Variants in CACNA1D observed in about 807,000 individuals in gnomAD.
The protein encoded by CACNA1D is voltage-dependent L-type calcium channel subunit alpha-1D.
Under a neutral mutation model 257.1 loss-of-function variants are expected in CACNA1D, and 55 were observed. That is an observed-to-expected ratio of 0.21 (90% CI 0.17 to 0.27). The LOEUF is 0.27. Among genes scored for constraint, CACNA1D ranks in the 10% least tolerant of loss-of-function variants. The probability of loss-of-function intolerance (pLI) is 1.00; values close to 1 mark genes in which losing one functional copy is unlikely to be tolerated. For synonymous variants in CACNA1D, 980 were observed against 1,014.9 expected (o/e 0.97, Z 0.65); for missense variants, 1,876 against 2,784.0 (o/e 0.67, Z 7.34).
At chr3:53,810,709 G>A (rs1020646840) in intron 47 of CACNA1D, among the ~76,000 whole-genome samples, 6 of 123,106 alleles carry the variant, frequency 4.9e-5, no homozygotes, top group South Asian at 5.3e-4. Flanking sequence ...AGTGAGCCGA[G>A]ATCACACCAC....
chr3:53,501,762 A>T (rs1451843062), intron 3 of CACNA1D, 42 bp downstream of exon 3: 2 of 1,113,582 alleles, frequency 1.8e-6, no homozygotes, highest in Non-Finnish European at 1.4e-6. Context: ...GTATATGGTT[A>T]TCATTTGCTT....
intron 3 of CACNA1D, among the ~76,000 whole-genome samples, chr3:53,549,256 GT>G (rs1230702012): frequency 6.6e-6 from 1 of 152,144 alleles, no homozygotes; most frequent in Non-Finnish European, 1.5e-5. Context: ...GTTCTTTTAT[GT>G]GGTCTAATTG....
intron 8 of CACNA1D, among the ~76,000 whole-genome samples, chr3:53,698,973 C>G (rs2094597060): frequency 6.6e-6 from 1 of 152,120 alleles, no homozygotes; most frequent in South Asian, 2.1e-4. Context: ...ATTAAATAAG[C>G]TTTGTAAAAC....
intron 30 of CACNA1D, among the ~76,000 whole-genome samples, chr3:53,763,339 T>G (rs1443381872): frequency 6.6e-6 from 1 of 152,204 alleles, no homozygotes; most frequent in African/African-American, 2.4e-5. Flanking sequence ...CTAGAAGCAC[T>G]CTGAGCACCT....
intron 3 of CACNA1D, among the ~76,000 whole-genome samples, chr3:53,625,300 TACC>T (rs2093744436): frequency 6.6e-6 from 1 of 152,204 alleles, no homozygotes; most frequent in African/African-American, 2.4e-5. Context: ...CTGTCCCCAC[TACC>T]TTTGGAAGAG....
chr3:53,592,321 G>C (rs2093316892), intron 3 of CACNA1D, among the ~76,000 whole-genome samples: 1 of 152,184 alleles, frequency 6.6e-6, no homozygotes, highest in African/African-American at 2.4e-5. Flanking sequence ...GAGGGGATGG[G>C]CACCCAGCCT....
At chr3:53,581,065 T>C (rs898097965) in intron 3 of CACNA1D, among the ~76,000 whole-genome samples, 4 of 152,328 alleles carry the variant, frequency 2.6e-5, no homozygotes, top group African/African-American at 9.6e-5. Flanking sequence ...GTCAGAATCT[T>C]GCTGTCTAAA....
intron 3 of CACNA1D, among the ~76,000 whole-genome samples, chr3:53,629,808 G>C (rs3774491): frequency 0.59 from 89,458 of 152,070 alleles, 27,869 homozygotes; most frequent in African/African-American, 0.79. Flanking sequence ...AATGGTAGCA[G>C]TTGGTACTAA....
intron 3 of CACNA1D, among the ~76,000 whole-genome samples, chr3:53,578,393 T>A (rs1467224080): frequency 1.3e-5 from 2 of 152,054 alleles, no homozygotes; most frequent in Non-Finnish European, 1.5e-5. Context: ...ACAGCTTCAT[T>A]CTTGATGCTC....
At chr3:53,583,692 G>A (rs909903820) in intron 3 of CACNA1D, among the ~76,000 whole-genome samples, 1 of 152,200 alleles carries the variant, frequency 6.6e-6, no homozygotes, top group Non-Finnish European at 1.5e-5. Flanking sequence ...CCAGATGGAC[G>A]TGAGGTGCCC....
At chr3:53,521,853 C>G (rs1277908444) in intron 3 of CACNA1D, among the ~76,000 whole-genome samples, 1 of 151,448 alleles carries the variant, frequency 6.6e-6, no homozygotes, top group Non-Finnish European at 1.5e-5. Flanking sequence ...TTTGGCTAAG[C>G]ATTGTGACTT....
intron 21 of CACNA1D, among the ~76,000 whole-genome samples, chr3:53,742,639 G>A (rs1156564738): frequency 6.6e-6 from 1 of 152,206 alleles, no homozygotes; most frequent in East Asian, 1.9e-4. Flanking sequence ...CCTCAGAGGG[G>A]CCAGAACCAG....
chr3:53,711,397 G>A (rs2094753706), intron 9 of CACNA1D, among the ~76,000 whole-genome samples: 2 of 152,208 alleles, frequency 1.3e-5, no homozygotes, highest in African/African-American at 4.8e-5. Flanking sequence ...CAGAATCCCT[G>A]GAGTAGCTGT....
chr3:53,545,713 T>C (rs980141841), intron 3 of CACNA1D, among the ~76,000 whole-genome samples: 12 of 152,202 alleles, frequency 7.9e-5, no homozygotes, highest in Non-Finnish European at 1.5e-4. Context: ...TTCGATTTGT[T>C]TGATGCAATT....
At chr3:53,629,801 G>A (rs2093802128) in intron 3 of CACNA1D, among the ~76,000 whole-genome samples, 1 of 152,166 alleles carries the variant, frequency 6.6e-6, no homozygotes, top group African/African-American at 2.4e-5. Flanking sequence ...ATGTATAAAT[G>A]GTAGCAGTTG....
At chr3:53,509,573 G>A (rs1021929488) in intron 3 of CACNA1D, among the ~76,000 whole-genome samples, 8 of 152,164 alleles carry the variant, frequency 5.3e-5, no homozygotes, top group Non-Finnish European at 2.9e-5. Flanking sequence ...GAGTGAACGC[G>A]AGGTGAGGCT....
intron 3 of CACNA1D, among the ~76,000 whole-genome samples, chr3:53,586,171 T>A (rs1457698974): frequency 6.6e-6 from 1 of 152,000 alleles, no homozygotes; most frequent in East Asian, 1.9e-4. Context: ...TGTTGAGATA[T>A]GAGAGAAGGG....
At chr3:53,544,567 A>G in intron 3 of CACNA1D, among the ~76,000 whole-genome samples, 1 of 152,202 alleles carries the variant, frequency 6.6e-6, no homozygotes, top group East Asian at 1.9e-4. Flanking sequence ...TTCCCCATTG[A>G]GTCATCAATC....
At position 53,740,598 on chromosome 3, in the gene CACNA1D, G is replaced by GT. The variant is rs57900500; in HGVS notation, c.2811+271dup. ...TTTTTGTCTTTCGTGGTTGAGCTAA[G>GT]TTTTTTTTTTTTGTTTTTTAAACCG... On this transcript the variant is annotated intron_variant, in intron 21 of 47. Coordinates refer to ENST00000350061, the MANE Select transcript of CACNA1D (RefSeq NM_001128840.3). The GT allele has an allele frequency of 0.088, 28,364 of 321,284 alleles. 117 individuals carry two copies. Among genetic ancestry groups the GT allele is most frequent in the South Asian group, 0.14 (3,691 of 25,898 alleles). The allele number at this position is 321,284 out of a possible 1,614,324, so 19.9% of individuals were successfully genotyped here.
Sources: allele counts gnomAD v4.1 joint callset (sites outside exome capture counted in the v4.1 genomes callset), GRCh38; gene constraint gnomAD v4.1.1; transcripts MANE v1.5; gene names NCBI Gene and HGNC (gene_info 2026-07-23, HGNC 2026-07-21).